Variants in A1CF observed in about 807,000 individuals in gnomAD.
A1CF encodes APOBEC1 complementation factor.
A1CF carries 48 observed loss-of-function variants against 68.9 expected under a neutral mutation model. That is an observed-to-expected ratio of 0.70 (90% confidence interval 0.55 to 0.89). A1CF has a LOEUF of 0.89. A1CF is among the 40% of genes least tolerant of loss of function. The pLI is 0.00. For synonymous variants in A1CF, 272 were observed against 260.4 expected (o/e 1.04, Z -0.43); for missense variants, 653 against 718.9 (o/e 0.91, Z 1.05).
In A1CF at chr10:50,800,798, T is replaced by C. The variant is rs1837568483; in HGVS notation, c.*5931A>G. On this transcript the variant is annotated 3_prime_UTR_variant, in exon 13 of 13. Coordinates refer to ENST00000373997, the MANE Select transcript of A1CF (RefSeq NM_014576.4). ...AAAATAATAAAACCTTTATATGACG[T>C]GATGTGAGGATTTTTCGTGAAGAAT... 1 of 152,036 alleles carries C rather than the reference T, an allele frequency of 6.6e-6. No homozygotes were observed. Among genetic ancestry groups the C allele is most frequent in the African/African-American group, 2.4e-5 (1 of 41,388 alleles). 9.4% of individuals were successfully genotyped at this position (152,036 alleles called of 1,614,324 possible). A position where few individuals can be genotyped will look rare whatever the true frequency, so the allele number is the denominator to read the frequency against.
chr10:50,843,099 G>T lies in A1CF; in HGVS notation c.234+889C>A, dbSNP rs377064005. On this transcript the variant is annotated intron_variant, in intron 4 of 12. Transcript: ENST00000373997. The stretch of plus-strand genomic sequence containing the variant: ...ATTAAGCACATGCCATTTGTGGTTG[G>T]TCACTTCTCAGCTCAGCCTTACCCT... Among the ~76,000 whole-genome samples the T allele has an allele frequency of 5.9e-5, 9 of 152,268 alleles. No individual in the cohort carries two copies. In the East Asian group the frequency reaches 1.3e-3, roughly 23 times the overall value.
At position 50,811,146 on chromosome 10, in the gene A1CF, A is replaced by G. The variant is rs199646655; in HGVS notation, c.1354T>C (p.Trp452Arg). ...TGCAGCTGGTACACTGGCTGTCCCC[A>G]GTTATTTTTCTGACAAATCTCTTCT... Reference protein sequence around the residue: ...ILEEICQKNNWGQPVYQLHSA... With the variant: ...ILEEICQKNNRGQPVYQLHSA... The change falls in exon 11 of 13, where the codon TGG becomes CGG. Residue 452 changes from tryptophan to arginine, a missense_variant. By Grantham distance (101) the Trp-to-Arg change is moderately radical. Transcript: ENST00000373997. 5 of 1,612,920 alleles carry G rather than the reference A, an allele frequency of 3.1e-6. No individual in the cohort carries two copies. In the East Asian group the frequency reaches 1.1e-4, roughly 36 times the overall value.
At chr10:50,850,618 AAG>A (rs1161077094) in intron 3 of A1CF, 1 of 1,612,126 alleles carries the variant, frequency 6.2e-7, no homozygotes, top group Admixed American at 1.7e-5. Flanking sequence ...GTTTCTGTAA[AAG>A]AGAACGAGTA....
chr10:50,839,008 T>C (rs1253719647), intron 5 of A1CF, among the ~76,000 whole-genome samples: 2 of 152,162 alleles, frequency 1.3e-5, no homozygotes, highest in East Asian at 1.9e-4. Context: ...CAAACATTCA[T>C]AGAGCACCTA....
At position 50,803,646 on chromosome 10, in the gene A1CF, T is replaced by C. The variant is rs1465589978; in HGVS notation, c.*3083A>G. 6.6e-6 allele frequency: 1 copy of C among 152,226 alleles called. No individual in the cohort carries two copies. Among genetic ancestry groups the C allele is most frequent in the Non-Finnish European group, 1.5e-5 (1 of 68,036 alleles). 9.4% of individuals were successfully genotyped at this position (152,226 alleles called of 1,614,324 possible). On this transcript the variant is annotated 3_prime_UTR_variant, in exon 13 of 13. Transcript: ENST00000373997. ...GAAAGAAAATAGATACCCAATCCCA[T>C]TGCTGATCAATTTCCTCCTACTTAA...
chr10:50,832,468 G>C (rs1839293927), intron 6 of A1CF, among the ~76,000 whole-genome samples: 1 of 152,154 alleles, frequency 6.6e-6, no homozygotes, highest in Non-Finnish European at 1.5e-5. Flanking sequence ...TACTGCTCTA[G>C]CTTTAGTCTT....
At chr10:50,844,859 T>C (rs1483946590) in intron 3 of A1CF, among the ~76,000 whole-genome samples, 1 of 152,200 alleles carries the variant, frequency 6.6e-6, no homozygotes, top group Admixed American at 6.6e-5. Flanking sequence ...TTAAATACAC[T>C]GCTTTGTATG....
intron 7 of A1CF, among the ~76,000 whole-genome samples, chr10:50,822,133 T>G (rs1480841714): frequency 1.3e-5 from 2 of 152,218 alleles, no homozygotes; most frequent in African/African-American, 4.8e-5. Flanking sequence ...AAACCAACTA[T>G]CTATTTTTAT....
chr10:50,813,983 C>T lies in A1CF; in HGVS notation c.1197G>A (p.Leu399=). ...GGRGYLAYTG[L]GRGYQVKGDK... ...CTCCTTTGACCTGGTATCCTCGACC[C>T]AGGCCTGTGTATGCCAAATAGCCAC... The change falls in exon 10 of 13, where the codon CTG becomes CTA. Residue 399 remains leucine (L), a synonymous_variant. Coordinates refer to ENST00000373997, the MANE Select transcript of A1CF (RefSeq NM_014576.4). The T allele has an allele frequency of 6.2e-7, 1 of 1,613,886 alleles. No individual in the cohort carries two copies. Among genetic ancestry groups the T allele is most frequent in the Non-Finnish European group, 8.5e-7 (1 of 1,179,876 alleles).
At chr10:50,827,059 A>G (rs985233815) in intron 7 of A1CF, among the ~76,000 whole-genome samples, 1 of 152,118 alleles carries the variant, frequency 6.6e-6, no homozygotes, top group Admixed American at 6.6e-5. Context: ...ATGGTAAAGG[A>G]ATCAATTCAA....
chr10:50,822,778 C>T (rs538105073), intron 7 of A1CF: 15 of 152,262 alleles, frequency 9.9e-5, no homozygotes, highest in Admixed American at 8.5e-4. Context: ...ATGACTTAAT[C>T]CCATGACTTG....
chr10:50,832,501 C>A (rs1237401511), intron 6 of A1CF, among the ~76,000 whole-genome samples: 1 of 152,130 alleles, frequency 6.6e-6, no homozygotes, highest in Non-Finnish European at 1.5e-5. Context: ...CCACGAAGAG[C>A]TGCATAAGGC....
chr10:50,840,831 T>C (rs575288681), intron 5 of A1CF, among the ~76,000 whole-genome samples: 23 of 152,214 alleles, frequency 1.5e-4, no homozygotes, highest in Non-Finnish European at 3.1e-4. Flanking sequence ...TCTGCTGTTC[T>C]TCCAGTCTTT....
In A1CF at chr10:50,802,172, G is replaced by A. The variant is rs1025762033; in HGVS notation, c.*4557C>T. 1.6e-4 allele frequency: 25 copies of A among 152,072 alleles called. No homozygotes were observed. The highest frequency in any genetic ancestry group is 1.5e-3 in the Admixed American group (23 of 15,264). The allele number at this position is 152,072 out of a possible 1,614,324, so 9.4% of individuals were successfully genotyped here. On this transcript the variant is annotated 3_prime_UTR_variant, in exon 13 of 13. Transcript: ENST00000373997. The stretch of plus-strand genomic sequence containing the variant: ...CACTCATTATAGCGCAACTTACTTT[G>A]TTTTTCTAATGTTGGCAAACACAAA...
chr10:50,803,562 A>G lies in A1CF; in HGVS notation c.*3167T>C, dbSNP rs562501851. 35 of 152,304 alleles carry G rather than the reference A, an allele frequency of 2.3e-4. No individual in the cohort carries two copies. The highest frequency in any genetic ancestry group is 7.0e-4 in the African/African-American group (29 of 41,578). The allele number at this position is 152,304 out of a possible 1,614,324, so 9.4% of individuals were successfully genotyped here. A position where few individuals can be genotyped will look rare whatever the true frequency, so the allele number is the denominator to read the frequency against. On this transcript the variant is annotated 3_prime_UTR_variant, in exon 13 of 13. Coordinates refer to ENST00000373997, the MANE Select transcript of A1CF (RefSeq NM_014576.4). ...GTTGCAGTTGAAGGTGCTGTTCTAG[A>G]TATACTAATGCAGTGGGAGAGAAAT...
In A1CF at chr10:50,813,954, T is replaced by C. The variant is rs777914619; in HGVS notation, c.1226A>G (p.Lys409Arg). ...AATGTCATAGAGTTTGTCTTCTCTT[T>C]TGTCTCCTTTGACCTGGTATCCTCG... is the stretch of plus-strand genomic sequence containing the variant. Reference protein sequence around the residue: ...LGRGYQVKGDKREDKLYDILP... With the variant: ...LGRGYQVKGDRREDKLYDILP... The change falls in exon 10 of 13, where the codon AAA (lysine) becomes AGA (arginine). Residue 409 changes from lysine (K) to arginine (R), a missense_variant. Physicochemically the swap from Lys to Arg is conservative, Grantham distance 26 (BLOSUM62 2). Coordinates refer to ENST00000373997, the MANE Select transcript of A1CF (RefSeq NM_014576.4). 3.7e-6 allele frequency: 6 copies of C among 1,613,926 alleles called. No homozygotes were observed. The highest frequency in any genetic ancestry group is 5.1e-6 in the Non-Finnish European group (6 of 1,179,884).
chr10:50,841,114 G>A (rs1424502634), intron 5 of A1CF, among the ~76,000 whole-genome samples: 2 of 152,234 alleles, frequency 1.3e-5, no homozygotes, highest in South Asian at 2.1e-4. Flanking sequence ...AACAGCAGAG[G>A]AATGTTTAAA....
At chr10:50,810,978 T>C (rs1340567194) in intron 11 of A1CF, 62 bp downstream of exon 11, 13 of 1,508,410 alleles carry the variant, frequency 8.6e-6, no homozygotes, top group Non-Finnish European at 1.2e-5. Context: ...GGTGACTAAA[T>C]GCATTTAATT....
At chr10:50,828,996 A>C (rs891923688) in intron 6 of A1CF, among the ~76,000 whole-genome samples, 7 of 152,206 alleles carry the variant, frequency 4.6e-5, no homozygotes, top group Admixed American at 6.6e-5. Context: ...TCTTCTGTAA[A>C]GGGTAGTTGT....
Sources: allele counts gnomAD v4.1 joint callset (sites outside exome capture counted in the v4.1 genomes callset), GRCh38; gene constraint gnomAD v4.1.1; transcripts MANE v1.5; gene names NCBI Gene and HGNC (gene_info 2026-07-23, HGNC 2026-07-21).